Variants in GYS2 observed in about 807,000 individuals in gnomAD.
GYS2 encodes glycogen synthase 2.
A neutral mutation model predicts 85.6 loss-of-function variants in GYS2; 80 were observed. The ratio of observed to expected loss-of-function variants is 0.93; its 90% CI spans 0.78 to 1.13. GYS2 has a LOEUF of 1.13. Ranked by LOEUF, GYS2 falls within the 50% of genes most tolerant of loss-of-function variation. The pLI is 0.00. For missense variants in GYS2, 881 were observed against 854.9 expected (o/e 1.03, Z -0.38); for synonymous variants, 328 against 300.7 (o/e 1.09, Z -0.94).
At chr12:21,542,673 G>T in intron 12 of GYS2, 82 bp from the exon 13 acceptor site, 3 of 823,348 alleles carry the variant, frequency 3.6e-6, no homozygotes, top group Non-Finnish European at 6.3e-6. Context: ...AAAGGCCCTA[G>T]TCCTCCTAAG....
chr12:21,584,005 A>AAG (rs1944542644), intron 1 of GYS2, among the ~76,000 whole-genome samples: 1 of 152,214 alleles, frequency 6.6e-6, no homozygotes, highest in Non-Finnish European at 1.5e-5. Context: ...CAGCTGACAG[A>AAG]GGAAGAGAAG....
At chr12:21,595,501 A>G (rs191790417) in intron 1 of GYS2, among the ~76,000 whole-genome samples, 1 of 152,300 alleles carries the variant, frequency 6.6e-6, no homozygotes. Flanking sequence ...AAGCAGTGAG[A>G]AAGGCCCTGG....
chr12:21,579,609 T>C (rs1944485995), intron 2 of GYS2, among the ~76,000 whole-genome samples: 1 of 152,030 alleles, frequency 6.6e-6, no homozygotes, highest in Non-Finnish European at 1.5e-5. Context: ...GATCCATCCA[T>C]CTTGGCCTCC....
chr12:21,578,169 T>G (rs7973289), intron 2 of GYS2, among the ~76,000 whole-genome samples: 7 of 152,224 alleles, frequency 4.6e-5, no homozygotes, highest in African/African-American at 1.4e-4. Flanking sequence ...AGTGTATATA[T>G]TCTTTCTTTC....
At chr12:21,553,926 A>C (rs994567486) in intron 11 of GYS2, among the ~76,000 whole-genome samples, 6 of 152,130 alleles carry the variant, frequency 3.9e-5, no homozygotes, top group South Asian at 2.1e-4. Flanking sequence ...GTCTGTGTAC[A>C]TGTATATGTA....
intron 5 of GYS2, among the ~76,000 whole-genome samples, chr12:21,566,859 C>T (rs1044620022): frequency 6.6e-6 from 1 of 152,102 alleles, no homozygotes; most frequent in African/African-American, 2.4e-5. Flanking sequence ...TTGACCACTA[C>T]TCTGTAGCTA....
intron 8 of GYS2, 96 bp downstream of exon 8, chr12:21,560,290 A>G (rs1944236576): frequency 6.4e-6 from 5 of 779,348 alleles, no homozygotes; most frequent in Non-Finnish European, 1.2e-5. Flanking sequence ...ATCTTAAGGA[A>G]AAAACAAAGT....
At chr12:21,535,593 T>A (rs1453553921), downstream of GYS2, among the ~76,000 whole-genome samples, 1 of 152,178 alleles carries the variant, frequency 6.6e-6, no homozygotes, top group Non-Finnish European at 1.5e-5. Context: ...TCCAACAGTT[T>A]TCTACTTTTT....
At chr12:21,574,447 A>G (rs1357937592) in intron 3 of GYS2, 121 bp from the exon 4 acceptor site, 4 of 719,762 alleles carry the variant, frequency 5.6e-6, no homozygotes, top group Non-Finnish European at 9.7e-6. Flanking sequence ...AAGGAGTCGA[A>G]ACATAAAGCA....
intron 15 of GYS2, 107 bp downstream of exon 15, chr12:21,539,151 G>T: frequency 1.4e-6 from 1 of 720,582 alleles, no homozygotes; most frequent in Non-Finnish European, 2.4e-6. Flanking sequence ...TCAACATTAT[G>T]AAAAAGTATC....
intron 1 of GYS2, among the ~76,000 whole-genome samples, chr12:21,595,727 G>A (rs1944688038): frequency 6.6e-6 from 1 of 152,162 alleles, no homozygotes; most frequent in Admixed American, 6.5e-5. Context: ...AAAAGGCCTT[G>A]TCCAACAGGA....
chr12:21,593,433 A>T (rs985089525), intron 1 of GYS2, among the ~76,000 whole-genome samples: 1 of 151,850 alleles, frequency 6.6e-6, no homozygotes, highest in Non-Finnish European at 1.5e-5. Flanking sequence ...AAAAGAAAAT[A>T]TATTACAACC....
At chr12:21,542,909 C>T (rs992231102) in intron 12 of GYS2, among the ~76,000 whole-genome samples, 4 of 152,228 alleles carry the variant, frequency 2.6e-5, no homozygotes, top group South Asian at 2.1e-4. Context: ...AACCCTTGTG[C>T]GGAACTGCCG....
chr12:21,538,112 G>A (rs11046107), intron 15 of GYS2, among the ~76,000 whole-genome samples: 6,721 of 152,258 alleles, frequency 0.044, 234 homozygotes, highest in Non-Finnish European at 0.062. Flanking sequence ...GCAGATAAAT[G>A]GATGAATATT....
intron 15 of GYS2, among the ~76,000 whole-genome samples, chr12:21,538,561 A>T (rs1943936421): frequency 6.6e-6 from 1 of 152,174 alleles, no homozygotes; most frequent in South Asian, 2.1e-4. Context: ...AGCTAAGGTG[A>T]TCTCATTTGC....
chr12:21,594,029 A>C (rs1335156733), intron 1 of GYS2, among the ~76,000 whole-genome samples: 1 of 152,178 alleles, frequency 6.6e-6, no homozygotes, highest in African/African-American at 2.4e-5. Flanking sequence ...ATACAGAAAA[A>C]GTATTTGATA....
At chr12:21,582,594 G>GATAGATATAGATATAGAT (rs71053324) in intron 1 of GYS2, among the ~76,000 whole-genome samples, 143 of 148,928 alleles carry the variant, frequency 9.6e-4, no homozygotes, top group African/African-American at 3.4e-3. Flanking sequence ...TAGATATAGA[G>GATAGATATAGATATAGAT]ATAGATATAG....
At chr12:21,581,591 T>G (rs547527637) in intron 1 of GYS2, among the ~76,000 whole-genome samples, 15 of 152,338 alleles carry the variant, frequency 9.8e-5, no homozygotes, top group Admixed American at 1.3e-4. Flanking sequence ...ATGCAGCTTG[T>G]CCTGCTACAC....
At chr12:21,584,088 C>T (rs1944545647) in intron 1 of GYS2, among the ~76,000 whole-genome samples, 1 of 152,212 alleles carries the variant, frequency 6.6e-6, no homozygotes, top group South Asian at 2.1e-4. Context: ...CGCAGCACTA[C>T]AGCCCCTTTC....
Sources: gnomAD v4.1 joint callset for allele counts (sites outside exome capture counted in the v4.1 genomes callset) on GRCh38, gnomAD v4.1.1 for gene constraint, MANE v1.5 for transcripts, NCBI Gene and HGNC (gene_info 2026-07-23, HGNC 2026-07-21) for gene names.